NEDD4L: variants seen among roughly 807,000 people sequenced by gnomAD.
NEDD4L encodes the protein NEDD4 like E3 ubiquitin protein ligase.
Under a neutral mutation model 148.9 loss-of-function variants are expected in NEDD4L, and 54 were observed. The ratio of observed to expected loss-of-function variants is 0.36; its 90% CI spans 0.29 to 0.45. NEDD4L has a LOEUF of 0.45. Ranked by LOEUF, NEDD4L falls within the 20% of genes least tolerant of loss-of-function variation. The probability of loss-of-function intolerance (pLI) is 1.00; values close to 1 mark genes in which losing one functional copy is unlikely to be tolerated. For synonymous variants in NEDD4L, 433 were observed against 440.7 expected (o/e 0.98, Z 0.22); for missense variants, 856 against 1,233.8 (o/e 0.69, Z 4.59).
At position 58,232,014 on chromosome 18, in the gene NEDD4L, A is replaced by G. The variant is rs76434659; in HGVS notation, c.123-13413A>G. Among the ~76,000 whole-genome samples the G allele has an allele frequency of 8.8e-4, 134 of 152,310 alleles. 1 individual carries two copies. In the East Asian group the frequency reaches 0.019, roughly 21 times the overall value. On this transcript the variant is annotated intron_variant, in intron 2 of 30. Coordinates refer to ENST00000400345, the MANE Select transcript of NEDD4L (RefSeq NM_001144967.3). The stretch of plus-strand genomic sequence containing the variant: ...TTATAGGAGAGGTGCATTTTGTTCT[A>G]TGTAAATTATCTTGATGTGTCCCCT...
intron 4 of NEDD4L, among the ~76,000 whole-genome samples, 170 bp downstream of exon 4, chr18:58,249,107 G>C (rs2047605935): frequency 1.3e-5 from 2 of 152,310 alleles, no homozygotes; most frequent in East Asian, 3.9e-4. Flanking sequence ...AGAAGTAGTG[G>C]TCACAGAATC....
chr18:58,368,488 C>T (rs1601771091), intron 22 of NEDD4L, among the ~76,000 whole-genome samples: 1 of 152,116 alleles, frequency 6.6e-6, no homozygotes, highest in East Asian at 1.9e-4. Context: ...TAAGAAAACA[C>T]TACAGAAATC....
chr18:58,148,466 A>G (rs2034341406), intron 1 of NEDD4L, among the ~76,000 whole-genome samples: 1 of 152,184 alleles, frequency 6.6e-6, no homozygotes, highest in African/African-American at 2.4e-5. Context: ...TCGCCTGGCC[A>G]TGATCCCGCA....
chr18:58,299,037 C>T (rs1465726608), intron 5 of NEDD4L, among the ~76,000 whole-genome samples: 3 of 152,170 alleles, frequency 2.0e-5, no homozygotes, highest in East Asian at 1.9e-4. Flanking sequence ...AGAATATGCA[C>T]GTTTACATAC....
chr18:58,289,560 C>A (rs2054409824), intron 5 of NEDD4L, among the ~76,000 whole-genome samples: 1 of 152,160 alleles, frequency 6.6e-6, no homozygotes, highest in Non-Finnish European at 1.5e-5. Flanking sequence ...AGCAAGCATG[C>A]CTCTCGAGGT....
intron 5 of NEDD4L, 61 bp downstream of exon 5, chr18:58,252,115 A>C (rs2048008607): frequency 1.9e-6 from 2 of 1,067,904 alleles, no homozygotes; most frequent in South Asian, 2.5e-5. Flanking sequence ...TTTTCAGAGC[A>C]GCGTCTTTAA....
At chr18:58,305,005 C>T (rs2056907883) in intron 5 of NEDD4L, among the ~76,000 whole-genome samples, 1 of 152,222 alleles carries the variant, frequency 6.6e-6, no homozygotes, top group Admixed American at 6.5e-5. Flanking sequence ...ATTAATATCC[C>T]AGCCCTATCA....
chr18:58,243,985 A>G (rs2046951151), intron 2 of NEDD4L, among the ~76,000 whole-genome samples: 1 of 152,066 alleles, frequency 6.6e-6, no homozygotes, highest in Non-Finnish European at 1.5e-5. Context: ...TACTAACAAT[A>G]TTTTTCAGAC....
intron 1 of NEDD4L, among the ~76,000 whole-genome samples, chr18:58,074,950 G>A (rs1262585572): frequency 6.6e-6 from 1 of 152,176 alleles, no homozygotes; most frequent in Non-Finnish European, 1.5e-5. Flanking sequence ...CAGGAGTGTG[G>A]AGTGTGAGAG....
At chr18:58,244,818 C>T (rs2047063581) in intron 2 of NEDD4L, among the ~76,000 whole-genome samples, 1 of 152,120 alleles carries the variant, frequency 6.6e-6, no homozygotes, top group Non-Finnish European at 1.5e-5. Flanking sequence ...GCCTCAGCCT[C>T]CTGAGTAGCT....
intron 1 of NEDD4L, among the ~76,000 whole-genome samples, chr18:58,138,629 C>A (rs2033138688): frequency 6.6e-6 from 1 of 152,062 alleles, no homozygotes; most frequent in African/African-American, 2.4e-5. Flanking sequence ...ACTTAATGCT[C>A]ACAGTTTTGG....
At chr18:58,335,404 G>C (rs922183779) in intron 12 of NEDD4L, 74 bp from the exon 13 acceptor site, 155 of 1,220,992 alleles carry the variant, frequency 1.3e-4, no homozygotes, top group Non-Finnish European at 1.8e-4. Context: ...CGCTGCCACA[G>C]CAGTGGGCCC....
At position 58,315,848 on chromosome 18, in the gene NEDD4L, T is replaced by G. The variant is rs182039973; in HGVS notation, c.298-134T>G. The G allele has an allele frequency of 4.9e-6, 4 of 811,082 alleles. No individual in the cohort carries two copies. The Admixed American group carries it at 5.2e-5, about 11-fold the overall frequency. The allele number at this position is 811,082 out of a possible 1,614,324, so 50.2% of individuals were successfully genotyped here. ...CCGGGGTGTGGTTACTCGTGTCTCC[T>G]CGGGGCCTTCCGCCCTCCACATTCC... On this transcript the variant is annotated intron_variant, in intron 5 of 30. Transcript: ENST00000400345.
intron 1 of NEDD4L, among the ~76,000 whole-genome samples, chr18:58,077,160 CTTTTTTTTTTTTTTTTTT>C (rs60248050): frequency 8.2e-5 from 4 of 48,894 alleles, no homozygotes; most frequent in African/African-American, 2.3e-4. Flanking sequence ...CTCATAACGG[CTTTTTTTTTTTTTTTTTT>C]TTTTTTTTTT....
intron 2 of NEDD4L, among the ~76,000 whole-genome samples, chr18:58,225,016 C>T (rs2044195874): frequency 6.6e-6 from 1 of 152,094 alleles, no homozygotes; most frequent in Non-Finnish European, 1.5e-5. Context: ...GGGCCACCCA[C>T]TCCAGGTGAG....
intron 1 of NEDD4L, among the ~76,000 whole-genome samples, chr18:58,106,203 A>G (rs554873268): frequency 6.6e-6 from 1 of 152,234 alleles, no homozygotes; most frequent in East Asian, 1.9e-4. Context: ...GCCCAAATCA[A>G]CTGTCAGGCT....
At chr18:58,112,628 A>G (rs1185858765) in intron 1 of NEDD4L, among the ~76,000 whole-genome samples, 1 of 152,070 alleles carries the variant, frequency 6.6e-6, no homozygotes, top group Non-Finnish European at 1.5e-5. Flanking sequence ...AGCTGGGATT[A>G]CAGGCATGTG....
chr18:58,114,258 T>C (rs2085617596), intron 1 of NEDD4L, among the ~76,000 whole-genome samples: 1 of 152,110 alleles, frequency 6.6e-6, no homozygotes, highest in Non-Finnish European at 1.5e-5. Context: ...CAAGATGAAG[T>C]GTTGCTTCTA....
chr18:58,369,201 A>G (rs1460954110), intron 22 of NEDD4L, among the ~76,000 whole-genome samples: 1 of 152,188 alleles, frequency 6.6e-6, no homozygotes, highest in South Asian at 2.1e-4. Flanking sequence ...GAGGTGGGGT[A>G]GCATTTGAGC....
Sources: gnomAD v4.1 joint callset for allele counts (sites outside exome capture counted in the v4.1 genomes callset) on GRCh38, gnomAD v4.1.1 for gene constraint, MANE v1.5 for transcripts, NCBI Gene and HGNC (gene_info 2026-07-23, HGNC 2026-07-21) for gene names.